Variants in TMTC2 observed in about 807,000 individuals in gnomAD.
TMTC2 encodes the protein transmembrane O-mannosyltransferase targeting cadherins 2, also known as protein O-mannosyl-transferase TMTC2.
TMTC2 carries 43 observed loss-of-function variants against 82.4 expected under a neutral mutation model. That is an observed-to-expected ratio of 0.52 (90% confidence interval 0.41 to 0.67). The LOEUF (loss-of-function observed/expected upper bound fraction) is 0.67, where lower values mean the gene tolerates loss of function less well. Among genes scored for constraint, TMTC2 ranks in the 30% least tolerant of loss-of-function variants. TMTC2 has a pLI of 0.00. For synonymous variants in TMTC2, 408 were observed against 381.9 expected (o/e 1.07, Z -0.80); for missense variants, 919 against 1,012.4 (o/e 0.91, Z 1.25).
At chr12:82,750,532 C>T (rs1334317214) in intron 1 of TMTC2, among the ~76,000 whole-genome samples, 1 of 151,926 alleles carries the variant, frequency 6.6e-6, no homozygotes, top group Non-Finnish European at 1.5e-5. Flanking sequence ...ATGATAATAG[C>T]TGATATGTAG....
At chr12:83,091,201 A>G (rs887920903) in intron 11 of TMTC2, among the ~76,000 whole-genome samples, 3 of 152,214 alleles carry the variant, frequency 2.0e-5, no homozygotes, top group Non-Finnish European at 4.4e-5. Flanking sequence ...GCATTGAACT[A>G]AACATTTTAA....
chr12:82,717,961 T>C (rs796066133), intron 1 of TMTC2, among the ~76,000 whole-genome samples: 1 of 152,346 alleles, frequency 6.6e-6, no homozygotes, highest in African/African-American at 2.4e-5. Context: ...AGTGGTCTTA[T>C]ATCCATGAAA....
chr12:82,715,720 G>C (rs1330756840), intron 1 of TMTC2, among the ~76,000 whole-genome samples: 1 of 152,176 alleles, frequency 6.6e-6, no homozygotes, highest in Non-Finnish European at 1.5e-5. Context: ...AGACAGGATG[G>C]TGGGGGATGG....
At chr12:82,918,959 T>C (rs1208144504) in intron 3 of TMTC2, among the ~76,000 whole-genome samples, 2 of 152,208 alleles carry the variant, frequency 1.3e-5, no homozygotes, top group East Asian at 1.9e-4. Context: ...GGTTTCACCA[T>C]GTTGGCCAGG....
chr12:83,102,416 A>C (rs891782729), intron 11 of TMTC2, among the ~76,000 whole-genome samples: 2 of 152,224 alleles, frequency 1.3e-5, no homozygotes, highest in African/African-American at 4.8e-5. Context: ...TGTGAGGATG[A>C]AATTAGACTT....
intron 2 of TMTC2, among the ~76,000 whole-genome samples, chr12:82,894,638 G>T (rs766731527): frequency 2.4e-4 from 36 of 152,020 alleles, no homozygotes; most frequent in Non-Finnish European, 3.4e-4. Context: ...ACCCTTCCTG[G>T]TCTGCCTCTT....
intron 2 of TMTC2, among the ~76,000 whole-genome samples, chr12:82,890,820 A>G (rs1873358951): frequency 6.6e-6 from 1 of 152,226 alleles, no homozygotes; most frequent in Non-Finnish European, 1.5e-5. Context: ...TCCAGCGTAT[A>G]GAAGAGTGCC....
chr12:83,034,079 TG>T (rs1363255153), intron 9 of TMTC2, among the ~76,000 whole-genome samples: 4 of 151,918 alleles, frequency 2.6e-5, no homozygotes, highest in Non-Finnish European at 4.4e-5. Flanking sequence ...TCATAGAGAA[TG>T]TTTTTTGATA....
intron 3 of TMTC2, among the ~76,000 whole-genome samples, chr12:82,911,590 ATTC>A (rs1411178913): frequency 6.6e-6 from 1 of 152,022 alleles, no homozygotes; most frequent in African/African-American, 2.4e-5. Context: ...TATAAGCCGT[ATTC>A]TTATTTATTT....
At chr12:82,884,940 C>G (rs1873013197) in intron 2 of TMTC2, among the ~76,000 whole-genome samples, 1 of 152,110 alleles carries the variant, frequency 6.6e-6, no homozygotes, top group Admixed American at 6.6e-5. Context: ...GTTACCCACA[C>G]AGGAGTGTAG....
Position 82,930,484 on chromosome 12 carries a change from G to A in TMTC2, c.1537G>A (p.Glu513Lys). The change falls in exon 4 of 12, where the codon GAA becomes AAA. Residue 513 changes from glutamate to lysine, a missense_variant. Physicochemically the swap from Glu to Lys is moderately conservative, Grantham distance 56. Coordinates refer to ENST00000321196, the MANE Select transcript of TMTC2 (RefSeq NM_152588.3). ...LKSQSKISEA[E>K]SAYRNALYYR... Reference sequence around the variant, plus strand: ...GAGTCAGAGCAAAATTTCTGAAGCTGAAAGCGCCTATAGAAATGCTTTGTA... The same window carrying A: ...GAGTCAGAGCAAAATTTCTGAAGCTAAAAGCGCCTATAGAAATGCTTTGTA... The A allele has an allele frequency of 6.2e-7, 1 of 1,605,078 alleles. No individual in the cohort carries two copies. Among genetic ancestry groups the A allele is most frequent in the Non-Finnish European group, 8.5e-7 (1 of 1,173,180 alleles).
At chr12:82,867,126 A>G (rs1301412600) in intron 2 of TMTC2, among the ~76,000 whole-genome samples, 2 of 152,170 alleles carry the variant, frequency 1.3e-5, no homozygotes, top group African/African-American at 4.8e-5. Context: ...TGTCTTTACA[A>G]TGCTGCAGTA....
intron 11 of TMTC2, among the ~76,000 whole-genome samples, chr12:83,114,343 G>C (rs904478482): frequency 6.7e-6 from 1 of 150,298 alleles, no homozygotes; most frequent in Non-Finnish European, 1.5e-5. Context: ...ACATAATCAG[G>C]AAGAAGATCC....
At chr12:83,131,791 A>T (rs1414662044) in intron 11 of TMTC2, among the ~76,000 whole-genome samples, 1 of 152,196 alleles carries the variant, frequency 6.6e-6, no homozygotes, top group Non-Finnish European at 1.5e-5. Context: ...AAAACAAAGA[A>T]TGAATAGATA....
At chr12:82,816,278 G>A (rs1156520857) in intron 1 of TMTC2, among the ~76,000 whole-genome samples, 9 of 151,548 alleles carry the variant, frequency 5.9e-5, no homozygotes, top group Non-Finnish European at 1.0e-4. Flanking sequence ...CAAAATGAAC[G>A]TATATAATAT....
intron 1 of TMTC2, among the ~76,000 whole-genome samples, chr12:82,817,041 C>T (rs1256965258): frequency 6.7e-6 from 1 of 150,218 alleles, no homozygotes; most frequent in Non-Finnish European, 1.5e-5. Context: ...GATCTCGGCT[C>T]ACTGTAACCT....
intron 3 of TMTC2, among the ~76,000 whole-genome samples, chr12:82,901,749 G>T (rs892178514): frequency 6.6e-6 from 1 of 152,108 alleles, no homozygotes; most frequent in Non-Finnish European, 1.5e-5. Context: ...CTGGTTAGGA[G>T]TTGGACTGTA....
At chr12:83,039,330 A>G (rs1427424362) in intron 9 of TMTC2, among the ~76,000 whole-genome samples, 1 of 152,154 alleles carries the variant, frequency 6.6e-6, no homozygotes, top group Non-Finnish European at 1.5e-5. Context: ...CAACATGTAA[A>G]CTTTCAAGAC....
chr12:82,737,111 A>C (rs1337508166), intron 1 of TMTC2, among the ~76,000 whole-genome samples: 1 of 152,228 alleles, frequency 6.6e-6, no homozygotes, highest in Admixed American at 6.5e-5. Context: ...TGTTCTGAAT[A>C]ACTATAAGCA....
Sources: allele counts gnomAD v4.1 joint callset (sites outside exome capture counted in the v4.1 genomes callset), GRCh38; gene constraint gnomAD v4.1.1; transcripts MANE v1.5; gene names NCBI Gene and HGNC (gene_info 2026-07-23, HGNC 2026-07-21).